PDS5A: variants seen among roughly 807,000 people sequenced by gnomAD.
The protein encoded by PDS5A is sister chromatid cohesion protein PDS5 homolog A.
PDS5A carries 42 observed loss-of-function variants against 167.1 expected under a neutral mutation model. The ratio of observed to expected loss-of-function variants is 0.25; its 90% CI spans 0.20 to 0.33. The LOEUF is 0.33. PDS5A is among the 10% of genes least tolerant of loss of function. PDS5A has a pLI of 1.00. For missense variants in PDS5A, 1,033 were observed against 1,605.9 expected (o/e 0.64, Z 6.10); for synonymous variants, 553 against 554.6 (o/e 1.00, Z 0.04).
At chr4:39,858,765 A>G (rs538416748) in intron 26 of PDS5A, among the ~76,000 whole-genome samples, 32 of 152,218 alleles carry the variant, frequency 2.1e-4, no homozygotes, top group Middle Eastern at 6.8e-3. Flanking sequence ...CTGGGATTAC[A>G]GGCGCCCTCC....
Position 39,824,384 on chromosome 4 carries a change from A to C in PDS5A, c.*1101T>G, listed in dbSNP as rs1283440715. 1 of 152,234 alleles carries C rather than the reference A, an allele frequency of 6.6e-6. No individual in the cohort carries two copies. The highest frequency in any genetic ancestry group is 1.5e-5 in the Non-Finnish European group (1 of 68,036). 9.4% of individuals were successfully genotyped at this position (152,234 alleles called of 1,614,324 possible). Reference sequence around the variant, plus strand: ...GATTATGTGTACACATAAAGTGCACACATTACCTATGCTGAACAATGCCAA... The same window carrying C: ...GATTATGTGTACACATAAAGTGCACCCATTACCTATGCTGAACAATGCCAA... On this transcript the variant is annotated 3_prime_UTR_variant, in exon 33 of 33. Coordinates refer to ENST00000303538, the MANE Select transcript of PDS5A (RefSeq NM_001100399.2).
chr4:39,845,842 T>A lies in PDS5A; in HGVS notation c.3378A>T (p.Thr1126=). 1.4e-6 allele frequency: 2 copies of A among 1,403,414 alleles called. No homozygotes were observed. 86.9% of individuals were successfully genotyped at this position (1,403,414 alleles called of 1,614,324 possible). A position where few individuals can be genotyped will look rare whatever the true frequency, so the allele number is the denominator to read the frequency against. The change falls in exon 29 of 33, where the codon ACA becomes ACT. Residue 1126 remains threonine (T), a synonymous_variant. Coordinates refer to ENST00000303538, the MANE Select transcript of PDS5A (RefSeq NM_001100399.2). ...CNDKSYISEE[T]RVLLLTGKPK... ...CCTTTCCTGTTAACAGAAGTACTCT[T>A]GTCTCTTCTGAAATATAACTCTTAT...
rs373776349 is a variant in PDS5A, at chr4:39,922,619, G to A, written c.654+3C>T. 1.6e-4 allele frequency: 255 copies of A among 1,563,462 alleles called. No individual in the cohort carries two copies. The highest frequency in any genetic ancestry group is 2.1e-4 in the Non-Finnish European group (240 of 1,157,394). On this transcript the variant is annotated splice_donor_region_variant and intron_variant, in intron 6 of 32. Transcript: ENST00000303538. ...ACCTTGAATATCTTCATACTTTACA[G>A]ACCTTATGTGCAGGAATGAGGTTAA...
Position 39,824,903 on chromosome 4 carries a change from A to G in PDS5A, c.*582T>C, listed in dbSNP as rs1715147405. ...TCACTTTTCATAGCAGGGAACCGAA[A>G]TCTGTACATCTCATTTTTGCAGAAA... On this transcript the variant is annotated 3_prime_UTR_variant, in exon 33 of 33. Transcript: ENST00000303538. The G allele has an allele frequency of 6.5e-6, 1 of 152,680 alleles. No homozygotes were observed. Among genetic ancestry groups the G allele is most frequent in the South Asian group, 2.1e-4 (1 of 4,836 alleles). 9.5% of individuals were successfully genotyped at this position (152,680 alleles called of 1,614,324 possible).
chr4:39,860,465 C>CA (rs35765967), intron 26 of PDS5A, among the ~76,000 whole-genome samples: 1,930 of 125,206 alleles, frequency 0.015, 17 homozygotes, highest in African/African-American at 0.028. Context: ...ACACTTGTCT[C>CA]AAAAAAAAAA....
intron 25 of PDS5A, 55 bp downstream of exon 25, chr4:39,862,814 A>C (rs902211570): frequency 8.5e-6 from 10 of 1,170,174 alleles, no homozygotes; most frequent in Non-Finnish European, 9.9e-6. Context: ...AAAAAACCTA[A>C]AAATGGATAC....
At chr4:39,909,007 C>G (rs1300267454) in intron 10 of PDS5A, 1 of 123,260 alleles carries the variant, frequency 8.1e-6, no homozygotes, top group Non-Finnish European at 1.9e-5. Flanking sequence ...CCACTGCACT[C>G]CAGCCTGGGT....
At chr4:39,907,755 T>A (rs1723521092) in intron 11 of PDS5A, among the ~76,000 whole-genome samples, 1 of 151,980 alleles carries the variant, frequency 6.6e-6, no homozygotes, top group African/African-American at 2.4e-5. Context: ...CTCAGCTAAT[T>A]TTTTGTATTT....
At chr4:39,976,660 T>G in intron 1 of PDS5A, 43 bp from the exon 2 acceptor site, 1 of 991,626 alleles carries the variant, frequency 1.0e-6, no homozygotes, top group Non-Finnish European at 1.5e-6. Flanking sequence ...AGGGGCGACT[T>G]TGTAACCTCT....
chr4:39,935,236 A>G (rs555656626), intron 2 of PDS5A, among the ~76,000 whole-genome samples: 1 of 152,148 alleles, frequency 6.6e-6, no homozygotes, highest in Non-Finnish European at 1.5e-5. Flanking sequence ...CCTCCCAAGT[A>G]GCTGGGATTA....
chr4:39,844,064 C>T (rs1245669018), intron 30 of PDS5A, among the ~76,000 whole-genome samples: 1 of 151,968 alleles, frequency 6.6e-6, no homozygotes, highest in Admixed American at 6.6e-5. Context: ...GCGAGAAGAT[C>T]CCTAGAGCCC....
At chr4:39,920,952 C>T (rs13142559) in intron 6 of PDS5A, among the ~76,000 whole-genome samples, 27,623 of 152,086 alleles carry the variant, frequency 0.18, 3,254 homozygotes, top group Admixed American at 0.26. Flanking sequence ...CTGAGAAGGA[C>T]CTTAGAAAAT....
intron 26 of PDS5A, among the ~76,000 whole-genome samples, chr4:39,857,407 A>G (rs1163732538): frequency 6.6e-6 from 1 of 151,996 alleles, no homozygotes; most frequent in Non-Finnish European, 1.5e-5. Flanking sequence ...AAGAGAAGTC[A>G]GAAGGTTCAC....
intron 11 of PDS5A, among the ~76,000 whole-genome samples, chr4:39,904,530 C>A (rs1465872594): frequency 6.6e-6 from 1 of 152,154 alleles, no homozygotes; most frequent in Admixed American, 6.5e-5. Context: ...GACGGGGTTT[C>A]ACCCTGTTAG....
intron 20 of PDS5A, among the ~76,000 whole-genome samples, chr4:39,873,887 A>G (rs941484154): frequency 6.6e-6 from 1 of 152,096 alleles, no homozygotes; most frequent in African/African-American, 2.4e-5. Context: ...CTATAAAAAA[A>G]TCCAAAAATT....
chr4:39,839,086 G>A (rs961137855), intron 31 of PDS5A, among the ~76,000 whole-genome samples: 8 of 152,174 alleles, frequency 5.3e-5, no homozygotes, highest in African/African-American at 1.7e-4. Context: ...ATGGCAATAT[G>A]CATTTTTCTA....
chr4:39,915,491 C>G (rs936844414), intron 8 of PDS5A, among the ~76,000 whole-genome samples: 1 of 151,842 alleles, frequency 6.6e-6, no homozygotes, highest in Non-Finnish European at 1.5e-5. Flanking sequence ...TCCTGAGTAG[C>G]TGGGACTACG....
intron 19 of PDS5A, among the ~76,000 whole-genome samples, chr4:39,876,522 C>T (rs1430415267): frequency 6.6e-6 from 1 of 152,148 alleles, no homozygotes; most frequent in African/African-American, 2.4e-5. Context: ...AAGATGTCTT[C>T]TGCATATTTT....
At chr4:39,885,937 A>G (rs1211293979) in intron 17 of PDS5A, among the ~76,000 whole-genome samples, 1 of 152,214 alleles carries the variant, frequency 6.6e-6, no homozygotes, top group African/African-American at 2.4e-5. Context: ...CCTGGGTGAC[A>G]GAGCAAGACC....
Sources: allele counts gnomAD v4.1 joint callset (sites outside exome capture counted in the v4.1 genomes callset), GRCh38; gene constraint gnomAD v4.1.1; transcripts MANE v1.5; gene names NCBI Gene and HGNC (gene_info 2026-07-23, HGNC 2026-07-21).